The following SEMA3E variants were observed in gnomAD, a reference collection of about 807,000 sequenced individuals.
SEMA3E encodes the protein semaphorin-3E.
In SEMA3E, 49 loss-of-function variants were observed where a neutral mutation model predicts 93.6. That is an observed-to-expected ratio of 0.52 (90% CI 0.42 to 0.66). The LOEUF (loss-of-function observed/expected upper bound fraction) is 0.66, where lower values mean the gene tolerates loss of function less well. SEMA3E is among the 30% of genes least tolerant of loss of function. SEMA3E has a pLI of 0.00. For missense variants in SEMA3E, 906 were observed against 964.8 expected (o/e 0.94, Z 0.81); for synonymous variants, 363 against 330.7 (o/e 1.10, Z -1.06).
intron 1 of SEMA3E, among the ~76,000 whole-genome samples, chr7:83,566,074 GC>G (rs67729504): frequency 1 from 145,935 of 146,558 alleles, 72,659 homozygotes; most frequent in East Asian, 1. Flanking sequence ...TGGGCTCACT[GC>G]CAATCTCCGC....
chr7:83,476,526 T>G (rs7798156), intron 2 of SEMA3E, among the ~76,000 whole-genome samples: 75,635 of 151,532 alleles, frequency 0.5, 19,090 homozygotes, highest in Middle Eastern at 0.58. Flanking sequence ...AAAGTTTTTT[T>G]CTTGTTATTT....
chr7:83,491,065 G>T (rs1790372866), intron 1 of SEMA3E, among the ~76,000 whole-genome samples: 1 of 152,034 alleles, frequency 6.6e-6, no homozygotes, highest in Non-Finnish European at 1.5e-5. Context: ...TCCTGAAGAG[G>T]CCCTTTGGCA....
intron 4 of SEMA3E, among the ~76,000 whole-genome samples, chr7:83,426,148 A>G (rs1788764769): frequency 6.6e-6 from 1 of 152,232 alleles, no homozygotes; most frequent in African/African-American, 2.4e-5. Context: ...TAGTTCAGCC[A>G]CTGTAGAAAT....
chr7:83,537,284 C>T (rs1338217831), intron 1 of SEMA3E, among the ~76,000 whole-genome samples: 1 of 152,164 alleles, frequency 6.6e-6, no homozygotes, highest in Admixed American at 6.5e-5. Context: ...TTTAAATAGA[C>T]AAATATTTAA....
chr7:83,385,242 A>C, intron 16 of SEMA3E, 52 bp downstream of exon 16: 1 of 1,598,774 alleles, frequency 6.3e-7, no homozygotes, highest in Non-Finnish European at 8.6e-7. Flanking sequence ...CTATTTACTG[A>C]TCACACACTA....
intron 1 of SEMA3E, among the ~76,000 whole-genome samples, chr7:83,523,385 G>A (rs1283261355): frequency 6.6e-6 from 1 of 152,002 alleles, no homozygotes. Context: ...GGATGGAGAG[G>A]GAGGAAGTCA....
chr7:83,614,600 T>C (rs1413897669), intron 1 of SEMA3E, among the ~76,000 whole-genome samples: 1 of 152,126 alleles, frequency 6.6e-6, no homozygotes, highest in Non-Finnish European at 1.5e-5. Flanking sequence ...ACAACAGACT[T>C]TTATTTCTAA....
At chr7:83,501,975 C>G (rs1790606119) in intron 1 of SEMA3E, among the ~76,000 whole-genome samples, 1 of 152,088 alleles carries the variant, frequency 6.6e-6, no homozygotes, top group Non-Finnish European at 1.5e-5. Flanking sequence ...CTTGAGCAGC[C>G]AAGTCCTAAT....
chr7:83,495,134 T>C (rs1006504908), intron 1 of SEMA3E, among the ~76,000 whole-genome samples: 1 of 151,904 alleles, frequency 6.6e-6, no homozygotes, highest in Admixed American at 6.6e-5. Flanking sequence ...CTGCTGTCGA[T>C]AGCTTTTCAT....
At chr7:83,598,505 T>A (rs1235794394) in intron 1 of SEMA3E, among the ~76,000 whole-genome samples, 6 of 152,204 alleles carry the variant, frequency 3.9e-5, no homozygotes, top group Admixed American at 3.9e-4. Flanking sequence ...ATTCAACTAT[T>A]CTTTGCTTGC....
intron 13 of SEMA3E, 116 bp from the exon 14 acceptor site, chr7:83,392,837 T>C (rs1339714936): frequency 3.8e-5 from 36 of 952,270 alleles, no homozygotes; most frequent in Non-Finnish European, 5.8e-5. Context: ...TTAAATTTAA[T>C]TCACTTAAAT....
intron 4 of SEMA3E, among the ~76,000 whole-genome samples, chr7:83,461,005 C>T (rs1789604944): frequency 6.6e-6 from 1 of 152,058 alleles, no homozygotes; most frequent in Non-Finnish European, 1.5e-5. Context: ...TCACACCTGA[C>T]CTAAAACCTA....
intron 4 of SEMA3E, among the ~76,000 whole-genome samples, chr7:83,441,927 A>T (rs934356097): frequency 1.3e-5 from 2 of 152,208 alleles, no homozygotes; most frequent in Non-Finnish European, 2.9e-5. Context: ...GGTAATGTTC[A>T]ATCAGTACTT....
At chr7:83,416,552 T>C (rs974787524) in intron 5 of SEMA3E, among the ~76,000 whole-genome samples, 4 of 152,100 alleles carry the variant, frequency 2.6e-5, no homozygotes, top group Non-Finnish European at 5.9e-5. Context: ...AGGATTTCAC[T>C]ATAGAAGCAG....
At chr7:83,465,920 A>C (rs1164300213) in intron 4 of SEMA3E, among the ~76,000 whole-genome samples, 1 of 152,118 alleles carries the variant, frequency 6.6e-6, no homozygotes, top group Non-Finnish European at 1.5e-5. Context: ...ATTTGCTTTT[A>C]TTATGCAGTA....
chr7:83,585,747 G>A (rs1245271861), intron 1 of SEMA3E, among the ~76,000 whole-genome samples: 1 of 152,042 alleles, frequency 6.6e-6, no homozygotes, highest in African/African-American at 2.4e-5. Context: ...CATTGGTTTT[G>A]TTTTCTTTGG....
At chr7:83,458,543 C>T (rs1789540586) in intron 4 of SEMA3E, among the ~76,000 whole-genome samples, 1 of 151,808 alleles carries the variant, frequency 6.6e-6, no homozygotes, top group African/African-American at 2.4e-5. Flanking sequence ...CATCCCTGTC[C>T]AACATCTGAA....
chr7:83,473,217 A>G (rs1256328753), intron 2 of SEMA3E, among the ~76,000 whole-genome samples: 1 of 152,200 alleles, frequency 6.6e-6, no homozygotes, highest in Non-Finnish European at 1.5e-5. Flanking sequence ...GATATCATTA[A>G]CATTTTTACA....
rs1348604955 is a variant in SEMA3E at position 83,395,155 on chromosome 7, G to GT, written c.1459-818dup. Among the ~76,000 whole-genome samples, 12 of 152,246 alleles carry GT rather than the reference G, an allele frequency of 7.9e-5. No individual in the cohort carries two copies. In the East Asian group the frequency reaches 2.3e-3, roughly 29 times the overall value. ...ACTCAGGCAACAATGTTTCTTAAGA[G>GT]TTTTCATGGACAAAACACTGTGGTG... On this transcript the variant is annotated intron_variant, in intron 12 of 16. Transcript: ENST00000643230.
Sources: allele counts gnomAD v4.1 joint callset (sites outside exome capture counted in the v4.1 genomes callset), GRCh38; gene constraint gnomAD v4.1.1; transcripts MANE v1.5; gene names NCBI Gene and HGNC (gene_info 2026-07-23, HGNC 2026-07-21).